Variants in TSPEAR observed in about 807,000 individuals in gnomAD.
The protein encoded by TSPEAR is thrombospondin type laminin G domain and EAR repeats.
TSPEAR carries 69 observed loss-of-function variants against 71.6 expected under a neutral mutation model. The ratio of observed to expected loss-of-function variants is 0.96; its 90% CI spans 0.79 to 1.18. The LOEUF (loss-of-function observed/expected upper bound fraction) is 1.18, where lower values mean the gene tolerates loss of function less well. Ranked by LOEUF, TSPEAR falls within the 50% of genes most tolerant of loss-of-function variation. TSPEAR has a pLI of 0.00. For synonymous variants in TSPEAR, 402 were observed against 387.2 expected (o/e 1.04, Z -0.45); for missense variants, 971 against 894.9 (o/e 1.09, Z -1.09).
At chr21:44,515,402 G>C (rs138544928) in intron 9 of TSPEAR, 5 of 152,550 alleles carry the variant, frequency 3.3e-5, no homozygotes, top group Admixed American at 2.0e-4. Context: ...CCCCGTTCCC[G>C]GAGTTCTGGT....
chr21:44,681,646 T>TG, intron 1 of TSPEAR: 2 of 752,166 alleles, frequency 2.7e-6, no homozygotes, highest in South Asian at 2.5e-5. Flanking sequence ...CAGACTTCCC[T>TG]GGGGGGATAG....
intron 1 of TSPEAR, among the ~76,000 whole-genome samples, chr21:44,691,310 C>T (rs970871174): frequency 1.3e-5 from 2 of 152,292 alleles, no homozygotes; most frequent in South Asian, 2.1e-4. Flanking sequence ...ATGTCTCTAA[C>T]GTATAACTGT....
intron 1 of TSPEAR, among the ~76,000 whole-genome samples, chr21:44,587,479 C>T (rs1979415503): frequency 6.6e-6 from 1 of 151,940 alleles, no homozygotes; most frequent in South Asian, 2.1e-4. Flanking sequence ...CAATTCAATG[C>T]AATTCCCATC....
chr21:44,553,866 T>C (rs587733678), intron 2 of TSPEAR, among the ~76,000 whole-genome samples: 4 of 152,350 alleles, frequency 2.6e-5, no homozygotes, highest in African/African-American at 9.6e-5. Context: ...TATGGCAATA[T>C]CCTCAGGGCT....
intron 1 of TSPEAR, among the ~76,000 whole-genome samples, chr21:44,678,664 T>C (rs1314062787): frequency 6.6e-6 from 1 of 152,188 alleles, no homozygotes; most frequent in Admixed American, 6.5e-5. Flanking sequence ...GCTGTCCCAA[T>C]TGGAAGAGAG....
At chr21:44,611,046 C>T (rs1161953898) in intron 1 of TSPEAR, among the ~76,000 whole-genome samples, 1 of 152,122 alleles carries the variant, frequency 6.6e-6, no homozygotes, top group Non-Finnish European at 1.5e-5. Context: ...TTTACAGGCT[C>T]ATAGGTGGAA....
At chr21:44,663,113 A>G (rs1985584249) in intron 1 of TSPEAR, among the ~76,000 whole-genome samples, 1 of 151,904 alleles carries the variant, frequency 6.6e-6, no homozygotes, top group Non-Finnish European at 1.5e-5. Context: ...AAAATCTGAA[A>G]AAAAAAATGA....
intron 1 of TSPEAR, chr21:44,654,440 C>T (rs1985003383): frequency 6.2e-7 from 1 of 1,614,086 alleles, no homozygotes; most frequent in Non-Finnish European, 8.5e-7. Flanking sequence ...ACACAGCAGG[C>T]TGGCTGGCAG....
chr21:44,518,198 T>C, intron 9 of TSPEAR: 1 of 402,260 alleles, frequency 2.5e-6, no homozygotes, highest in Non-Finnish European at 5.0e-6. Flanking sequence ...AAAAAATTCC[T>C]TTCTGTTTCT....
rs1161034672 is a variant in TSPEAR, at chr21:44,498,944, A to C, written c.*839T>G. On this transcript the variant is annotated 3_prime_UTR_variant, in exon 12 of 12. Transcript: ENST00000323084. Reference sequence around the variant, plus strand: ...AGCAGCTCTCCCAGCTGCAGAGACAAGATGACCACAGGAGAGCCAGCAGAG... The same window carrying C: ...AGCAGCTCTCCCAGCTGCAGAGACACGATGACCACAGGAGAGCCAGCAGAG... 3.3e-5 allele frequency: 5 copies of C among 152,422 alleles called. No homozygotes were observed. Among genetic ancestry groups the C allele is most frequent in the African/African-American group, 1.2e-4 (5 of 41,486 alleles). 9.4% of individuals were successfully genotyped at this position (152,422 alleles called of 1,614,324 possible).
chr21:44,631,870 A>G (rs587748040), intron 1 of TSPEAR, among the ~76,000 whole-genome samples: 1 of 152,346 alleles, frequency 6.6e-6, no homozygotes, highest in East Asian at 1.9e-4. Context: ...TATTTGAAGA[A>G]AAATGATAGA....
At chr21:44,646,888 C>G (rs1984435954) in intron 1 of TSPEAR, 1 of 1,612,942 alleles carries the variant, frequency 6.2e-7, no homozygotes, top group Non-Finnish European at 8.5e-7. Flanking sequence ...CTCCTGCCAG[C>G]CGGCCTGCTG....
rs1167437907 is a variant in TSPEAR at position 44,512,710 on chromosome 21, C to CAA, written c.1567-3326_1567-3325dup. Among the ~76,000 whole-genome samples the CAA allele has an allele frequency of 2.0e-5, 3 of 152,160 alleles. No homozygotes were observed. The East Asian group carries it at 5.8e-4, about 30-fold the overall frequency. On this transcript the variant is annotated intron_variant, in intron 9 of 11. Transcript: ENST00000323084. ...CCACGTTTCATGGGGTGGCAGGGAG[C>CAA]AAACTTTGAGTTGCATCTTGGTTGG...
In TSPEAR at chr21:44,503,180, C is replaced by T. The variant is rs375673532; in HGVS notation, c.1856+1600G>A. ...GCCTCGGTGAGCCCTTGGGTGGAAG[C>T]CGGCCTTGGTGAGCCCACAGGGGGG... On this transcript the variant is annotated intron_variant, in intron 11 of 11. Transcript: ENST00000323084. Among the ~76,000 whole-genome samples the T allele has an allele frequency of 3.1e-3, 401 of 127,354 alleles. 3 individuals carry two copies. The highest frequency in any genetic ancestry group is 0.012 in the African/African-American group (388 of 32,166). 83.5% of individuals were successfully genotyped at this position (127,354 alleles called of 152,430 possible).
chr21:44,659,385 C>T (rs782269621), intron 1 of TSPEAR, among the ~76,000 whole-genome samples: 7 of 103,068 alleles, frequency 6.8e-5, no homozygotes, highest in Non-Finnish European at 1.3e-4. Flanking sequence ...ACCCTAAGCA[C>T]AAGCGGTTGG....
At chr21:44,676,838 C>T (rs755214402) in intron 1 of TSPEAR, 3 of 961,560 alleles carry the variant, frequency 3.1e-6, no homozygotes, top group Non-Finnish European at 5.1e-6. Context: ...GTTTGTTTCT[C>T]CAAGGCTAAT....
chr21:44,611,311 C>G (rs587695594), intron 1 of TSPEAR, among the ~76,000 whole-genome samples: 4 of 151,972 alleles, frequency 2.6e-5, no homozygotes, highest in African/African-American at 9.7e-5. Flanking sequence ...TCATGGGGGC[C>G]GGTCTTTTCC....
intron 1 of TSPEAR, among the ~76,000 whole-genome samples, chr21:44,673,836 A>G (rs1176020307): frequency 6.6e-6 from 1 of 152,210 alleles, no homozygotes; most frequent in African/African-American, 2.4e-5. Flanking sequence ...ATATGTGGAA[A>G]TTGAACAACA....
At chr21:44,540,710 T>A (rs2053205913) in intron 2 of TSPEAR, among the ~76,000 whole-genome samples, 13 of 152,280 alleles carry the variant, frequency 8.5e-5, no homozygotes. Flanking sequence ...CCCTGCACAT[T>A]CCTTCCCCCA....
Sources: gnomAD v4.1 joint callset for allele counts (sites outside exome capture counted in the v4.1 genomes callset) on GRCh38, gnomAD v4.1.1 for gene constraint, MANE v1.5 for transcripts, NCBI Gene and HGNC (gene_info 2026-07-23, HGNC 2026-07-21) for gene names.